The following COG3 variants were observed in gnomAD, a reference collection of about 807,000 sequenced individuals.
COG3 encodes conserved oligomeric Golgi complex subunit 3.
A neutral mutation model predicts 114.1 loss-of-function variants in COG3; 32 were observed. The observed-to-expected ratio is 0.28, with a 90% CI of 0.21 to 0.38. COG3 has a LOEUF of 0.38. COG3 is among the 10% of genes least tolerant of loss of function. The pLI, the probability that COG3 is intolerant of heterozygous loss-of-function variation, is 1.00. For missense variants in COG3, 813 were observed against 973.2 expected (o/e 0.84, Z 2.19); for synonymous variants, 352 against 365.7 (o/e 0.96, Z 0.43).
At position 45,518,753 on chromosome 13, in the gene COG3, G is replaced by T; in HGVS notation, c.1931-9G>T. 2.5e-6 allele frequency: 4 copies of T among 1,606,242 alleles called. No homozygotes were observed. The highest frequency in any genetic ancestry group is 3.4e-6 in the Non-Finnish European group (4 of 1,175,170). On this transcript the variant is annotated splice_polypyrimidine_tract_variant and intron_variant, in intron 17 of 22. Coordinates refer to ENST00000349995, the MANE Select transcript of COG3 (RefSeq NM_031431.4). Reference sequence around the variant, plus strand: ...ACATGTTCACTGGATGAGTAATTTTGTTTCACAGATGCAGCATTTAAAATC... The same window carrying T: ...ACATGTTCACTGGATGAGTAATTTTTTTTCACAGATGCAGCATTTAAAATC...
At chr13:45,508,294 A>G (rs1367168191) in intron 14 of COG3, among the ~76,000 whole-genome samples, 1 of 149,578 alleles carries the variant, frequency 6.7e-6, no homozygotes, top group Non-Finnish European at 1.5e-5. Context: ...AACATTCCAA[A>G]TATACAGAAA....
chr13:45,514,703 A>G (rs1011627638), intron 16 of COG3, among the ~76,000 whole-genome samples: 1 of 151,844 alleles, frequency 6.6e-6, no homozygotes, highest in Admixed American at 6.6e-5. Context: ...GCTGGAGTGC[A>G]GTGGCGTGAT....
chr13:45,513,597 C>T (rs1871210958), intron 16 of COG3, among the ~76,000 whole-genome samples: 1 of 147,220 alleles, frequency 6.8e-6, no homozygotes, highest in Non-Finnish European at 1.5e-5. Context: ...ATGTATCTCT[C>T]CACAGAATAA....
At position 45,492,259 on chromosome 13, in the gene COG3, A is replaced by G. The variant is rs780172966; in HGVS notation, c.1187+9A>G. ...CCAACATCAAAATTAGAGTAGGTGGACATGGAATCTAACTCTTGTTCATAA... is the reference window on the plus strand; with the variant it reads ...CCAACATCAAAATTAGAGTAGGTGGGCATGGAATCTAACTCTTGTTCATAA... On this transcript the variant is annotated intron_variant, in intron 11 of 22. Coordinates refer to ENST00000349995, the MANE Select transcript of COG3 (RefSeq NM_031431.4). 1 of 1,511,764 alleles carries G rather than the reference A, an allele frequency of 6.6e-7. No individual in the cohort carries two copies. Among genetic ancestry groups the G allele is most frequent in the Non-Finnish European group, 9.2e-7 (1 of 1,090,778 alleles). The allele number at this position is 1,511,764 out of a possible 1,614,324, so 93.6% of individuals were successfully genotyped here.
intron 13 of COG3, among the ~76,000 whole-genome samples, chr13:45,500,171 G>A (rs1464617812): frequency 6.6e-6 from 1 of 150,780 alleles, no homozygotes; most frequent in Non-Finnish European, 1.5e-5. Context: ...TTTGGTGCTG[G>A]TGAATTTAAA....
intron 7 of COG3, among the ~76,000 whole-genome samples, chr13:45,483,746 T>C (rs1886398830): frequency 6.6e-6 from 1 of 152,228 alleles, no homozygotes; most frequent in Non-Finnish European, 1.5e-5. Flanking sequence ...CATATTCATA[T>C]GCAAAATTAT....
chr13:45,469,960 G>A (rs1353631753), intron 1 of COG3, among the ~76,000 whole-genome samples: 1 of 152,016 alleles, frequency 6.6e-6, no homozygotes, highest in African/African-American at 2.4e-5. Flanking sequence ...ATAAACATTG[G>A]TATTGGCTTA....
At chr13:45,484,645 CAG>C (rs1886462288) in intron 7 of COG3, among the ~76,000 whole-genome samples, 2 of 145,852 alleles carry the variant, frequency 1.4e-5, no homozygotes, top group Admixed American at 6.8e-5. Flanking sequence ...GTGTTTCTCA[CAG>C]AGGGGGATTT....
At chr13:45,511,723 T>C (rs1322072845) in intron 15 of COG3, 42 bp from the exon 16 acceptor site, 13 of 1,489,788 alleles carry the variant, frequency 8.7e-6, no homozygotes, top group Non-Finnish European at 1.1e-5. Context: ...TTTTTTGTTT[T>C]GTCAAATGCC....
At chr13:45,488,343 G>A (rs1488930736) in intron 8 of COG3, among the ~76,000 whole-genome samples, 1 of 152,028 alleles carries the variant, frequency 6.6e-6, no homozygotes, top group Non-Finnish European at 1.5e-5. Context: ...ACAATTTATT[G>A]TATATTTCAA....
chr13:45,490,150 G>A (rs1398490678), intron 8 of COG3, among the ~76,000 whole-genome samples: 1 of 152,122 alleles, frequency 6.6e-6, no homozygotes, highest in Non-Finnish European at 1.5e-5. Context: ...TCATAAATTG[G>A]CAGATTAAGG....
intron 12 of COG3, among the ~76,000 whole-genome samples, chr13:45,494,233 G>C (rs1218551194): frequency 1.3e-5 from 2 of 151,500 alleles, no homozygotes; most frequent in Non-Finnish European, 2.9e-5. Context: ...GCTTAGGCAG[G>C]AGAATTGCTG....
intron 19 of COG3, among the ~76,000 whole-genome samples, chr13:45,522,820 G>C (rs113924975): frequency 6.6e-6 from 1 of 152,146 alleles, no homozygotes; most frequent in Non-Finnish European, 1.5e-5. Context: ...CTTTTTTATC[G>C]TTCTAGAATT....
intron 3 of COG3, among the ~76,000 whole-genome samples, chr13:45,479,409 T>G (rs3794331): frequency 0.091 from 13,924 of 152,196 alleles, 834 homozygotes; most frequent in African/African-American, 0.16. Flanking sequence ...TGAAAGACTT[T>G]CAGGATGGCC....
chr13:45,508,386 T>TATATA (rs56349646), intron 14 of COG3, among the ~76,000 whole-genome samples: 150 of 109,674 alleles, frequency 1.4e-3, no homozygotes, highest in Middle Eastern at 4.5e-3. Context: ...ATATATATTT[T>TATATA]TATATATATA....
At chr13:45,499,373 T>G (rs1274935446) in intron 13 of COG3, among the ~76,000 whole-genome samples, 1 of 152,238 alleles carries the variant, frequency 6.6e-6, no homozygotes, top group Admixed American at 6.5e-5. Context: ...TATATCCTAC[T>G]AAGATATACA....
At chr13:45,524,459 A>G (rs1872490803) in intron 19 of COG3, among the ~76,000 whole-genome samples, 1 of 152,216 alleles carries the variant, frequency 6.6e-6, no homozygotes, top group Non-Finnish European at 1.5e-5. Context: ...TTGGTCAGTC[A>G]TATGTGACTT....
chr13:45,510,678 T>G (rs1363753768), intron 15 of COG3, among the ~76,000 whole-genome samples: 1 of 152,244 alleles, frequency 6.6e-6, no homozygotes, highest in East Asian at 1.9e-4. Flanking sequence ...GAGGTCACTA[T>G]GCCAGTTTTG....
intron 4 of COG3, 29 bp downstream of exon 4, chr13:45,480,319 CATT>C: frequency 6.8e-7 from 1 of 1,466,068 alleles, no homozygotes; most frequent in Non-Finnish European, 9.3e-7. Flanking sequence ...GAGGATCAGT[CATT>C]ATATTTAATA....
Sources: gnomAD v4.1 joint callset for allele counts (sites outside exome capture counted in the v4.1 genomes callset) on GRCh38, gnomAD v4.1.1 for gene constraint, MANE v1.5 for transcripts, NCBI Gene and HGNC (gene_info 2026-07-23, HGNC 2026-07-21) for gene names.